The following MRE11 variants were observed in gnomAD, a reference collection of about 807,000 sequenced individuals.
MRE11 encodes the protein double-strand break repair protein MRE11.
A neutral mutation model predicts 91.7 loss-of-function variants in MRE11; 62 were observed. That is an observed-to-expected ratio of 0.68 (90% CI 0.55 to 0.84). The LOEUF (loss-of-function observed/expected upper bound fraction) is 0.84. Among genes scored for constraint, MRE11 ranks in the 40% least tolerant of loss-of-function variants. MRE11 has a pLI of 0.00. For synonymous variants in MRE11, 273 were observed against 271.4 expected, an observed-to-expected ratio of 1.01 and a Z score of -0.06; for missense variants, 796 against 852.9, an observed-to-expected ratio of 0.93 and a Z score of 0.83.
intron 6 of MRE11, 134 bp downstream of exon 6, chr11:94,478,601 A>C: frequency 9.5e-7 from 1 of 1,047,772 alleles, no homozygotes. Flanking sequence ...AAAACCATCC[A>C]TCATTTTTTA....
At chr11:94,500,352 C>T in the MRE11 span, among the ~76,000 whole-genome samples, 1 of 152,220 alleles carries the variant, frequency 6.6e-6, no homozygotes, top group Non-Finnish European at 1.5e-5. Flanking sequence ...AGAGCAAACT[C>T]TACACATAAG....
chr11:94,444,400 C>T (rs529682), intron 16 of MRE11, among the ~76,000 whole-genome samples: 5 of 41,830 alleles, frequency 1.2e-4, no homozygotes, highest in African/African-American at 2.1e-4. Context: ...GTTCTGTTTT[C>T]GTTCTGTTTT....
At chr11:94,502,472 T>C in the MRE11 span, among the ~76,000 whole-genome samples, 1 of 152,320 alleles carries the variant, frequency 6.6e-6, no homozygotes, top group East Asian at 1.9e-4. Flanking sequence ...ATATTATTTT[T>C]ATGTAGTTTA....
intron 16 of MRE11, among the ~76,000 whole-genome samples, chr11:94,445,334 G>A (rs1354934258): frequency 2.0e-5 from 3 of 152,150 alleles, no homozygotes; most frequent in African/African-American, 4.8e-5. Context: ...TTTTTGAGAC[G>A]GAGTCTCTCT....
chr11:94,497,882 C>T, upstream of MRE11: 1 of 547,302 alleles, frequency 1.8e-6, no homozygotes, highest in Non-Finnish European at 3.2e-6. Flanking sequence ...TTAACACTAA[C>T]TTGTTCATTC....
chr11:94,438,381 T>C (rs1296016970), intron 16 of MRE11, among the ~76,000 whole-genome samples: 2 of 152,224 alleles, frequency 1.3e-5, no homozygotes. Context: ...ACATGTTTCC[T>C]ATTCTAGGTT....
In MRE11 at chr11:94,419,465, G is replaced by GGGGAGAGAGAGAGAGAGAGAGA. The variant is rs373002609; in HGVS notation, c.*659_*660insTCTCTCTCTCTCTCTCTCTCCC. ...GAAGAGTGGGGAACGGGGGGGAGAG[G>GGGGAGAGAGAGAGAGAGAGAGA]GAGAGAGAGAGAGAGAGAGAGAGAG... is the stretch of plus-strand genomic sequence containing the variant. On this transcript the variant is annotated 3_prime_UTR_variant, in exon 20 of 20. Transcript: ENST00000323929. The GGGGAGAGAGAGAGAGAGAGAGA allele has an allele frequency of 2.9e-4, 63 of 216,410 alleles. 1 individual carries two copies. Among genetic ancestry groups the GGGGAGAGAGAGAGAGAGAGAGA allele is most frequent in the African/African-American group, 4.7e-4 (19 of 40,706 alleles). The allele number at this position is 216,410 out of a possible 1,614,324, so 13.4% of individuals were successfully genotyped here. A position where few individuals can be genotyped will look rare whatever the true frequency, so the allele number is the denominator to read the frequency against.
At chr11:94,503,668 C>A in the MRE11 span, among the ~76,000 whole-genome samples, 3 of 151,178 alleles carry the variant, frequency 2.0e-5, no homozygotes, top group Non-Finnish European at 2.9e-5. Flanking sequence ...TGCACTCCAG[C>A]CTAGGCAACA....
At chr11:94,448,346 G>C (rs1946001775) in intron 14 of MRE11, among the ~76,000 whole-genome samples, 2 of 152,062 alleles carry the variant, frequency 1.3e-5, no homozygotes, top group Admixed American at 6.6e-5. Context: ...GGAGGCCTAG[G>C]TGGATGGACT....
intron 18 of MRE11, among the ~76,000 whole-genome samples, chr11:94,432,548 C>T (rs754081862): frequency 9.2e-5 from 14 of 152,214 alleles, no homozygotes; most frequent in Non-Finnish European, 1.8e-4. Flanking sequence ...GTGGCTCATG[C>T]CTGTAATCCC....
intron 13 of MRE11, among the ~76,000 whole-genome samples, chr11:94,457,434 T>C (rs1319938277): frequency 2.6e-5 from 4 of 152,278 alleles, no homozygotes; most frequent in Admixed American, 6.5e-5. Context: ...GAAAATGGGA[T>C]CGAGAGTTTT....
At position 94,418,375 on chromosome 11, in the gene MRE11, A is replaced by G. The variant is rs1352638172; in HGVS notation, c.*1750T>C. The G allele has an allele frequency of 4.3e-6, 1 of 231,108 alleles. No homozygotes were observed. Among genetic ancestry groups the G allele is most frequent in the Non-Finnish European group, 8.6e-6 (1 of 116,910 alleles). 14.3% of individuals were successfully genotyped at this position (231,108 alleles called of 1,614,324 possible). On this transcript the variant is annotated 3_prime_UTR_variant, in exon 20 of 20. Transcript: ENST00000323929. ...CATTTAGTACCTCTTTTCACAGCCA[A>G]GAGCAATTTTTTTTTTTTTAAGGAA...
chr11:94,428,040 AT>A (rs1357190133), intron 19 of MRE11, among the ~76,000 whole-genome samples: 1 of 152,210 alleles, frequency 6.6e-6, no homozygotes, highest in Non-Finnish European at 1.5e-5. Context: ...GAAGAAAACT[AT>A]TCTAAAATTC....
At chr11:94,456,828 C>A (rs1946261625) in intron 13 of MRE11, among the ~76,000 whole-genome samples, 1 of 152,030 alleles carries the variant, frequency 6.6e-6, no homozygotes, top group Non-Finnish European at 1.5e-5. Context: ...TGAGCATGGT[C>A]CTGGTATCAA....
intron 9 of MRE11, among the ~76,000 whole-genome samples, chr11:94,469,734 A>G (rs1219185836): frequency 6.6e-6 from 1 of 152,192 alleles, no homozygotes; most frequent in African/African-American, 2.4e-5. Context: ...AAATGCTGTC[A>G]ACAGTGCACA....
chr11:94,469,833 T>C (rs1164577706), intron 9 of MRE11, among the ~76,000 whole-genome samples: 1 of 152,112 alleles, frequency 6.6e-6, no homozygotes, highest in Non-Finnish European at 1.5e-5. Context: ...GAAAACATAG[T>C]AGGACAGCTG....
At chr11:94,494,960 C>G (rs1290634823), upstream of MRE11, among the ~76,000 whole-genome samples, 5 of 152,152 alleles carry the variant, frequency 3.3e-5, no homozygotes, top group Non-Finnish European at 7.4e-5. Context: ...AAAGTGGAAG[C>G]TCCAGGAGAA....
chr11:94,469,607 G>A (rs796363849), intron 9 of MRE11, among the ~76,000 whole-genome samples: 2 of 152,226 alleles, frequency 1.3e-5, no homozygotes, highest in African/African-American at 4.8e-5. Flanking sequence ...TTTTGGTTAC[G>A]TGAGCTACAC....
At position 94,417,304 on chromosome 11, in the gene MRE11, T is replaced by C. The variant is rs1469075351; in HGVS notation, c.*2821A>G. The stretch of plus-strand genomic sequence containing the variant: ...TTGAGATACTTTTTTACTCAGTTTT[T>C]TTCTAAGAATGGATTTTCCTCTTTA... On this transcript the variant is annotated 3_prime_UTR_variant, in exon 20 of 20. Transcript: ENST00000323929. 1 of 211,294 alleles carries C rather than the reference T, an allele frequency of 4.7e-6. No homozygotes were observed. The highest frequency in any genetic ancestry group is 2.3e-5 in the African/African-American group (1 of 44,102). 13.1% of individuals were successfully genotyped at this position (211,294 alleles called of 1,614,324 possible). A position where few individuals can be genotyped will look rare whatever the true frequency, so the allele number is the denominator to read the frequency against.
Sources: gnomAD v4.1 joint callset for allele counts (sites outside exome capture counted in the v4.1 genomes callset) on GRCh38, gnomAD v4.1.1 for gene constraint, MANE v1.5 for transcripts, NCBI Gene and HGNC (gene_info 2026-07-23, HGNC 2026-07-21) for gene names.